The following HDLBP variants were observed in gnomAD, a reference collection of about 807,000 sequenced individuals.
The protein encoded by HDLBP is high density lipoprotein binding protein, also known as vigilin.
A neutral mutation model predicts 137.3 loss-of-function variants in HDLBP; 30 were observed. The ratio of observed to expected loss-of-function variants is 0.22; its 90% CI spans 0.16 to 0.30. The LOEUF (loss-of-function observed/expected upper bound fraction) is 0.30, where lower values mean the gene tolerates loss of function less well. Among genes scored for constraint, HDLBP ranks in the 10% least tolerant of loss-of-function variants. The pLI is 1.00. For missense variants in HDLBP, 1,119 were observed against 1,667.3 expected (o/e 0.67, Z 5.73); for synonymous variants, 606 against 596.0 (o/e 1.02, Z -0.24).
chr2:241,281,329 G>C lies in HDLBP; in HGVS notation c.-102-12788C>G, dbSNP rs554758898. ...AGATCGCGCCATTGCACTCCAGCCT[G>C]TGCAACAGGAGTGAAACTCCGTCTT... On this transcript the variant is annotated intron_variant, in intron 1 of 27. Transcript: ENST00000310931. 6.6e-5 allele frequency among the ~76,000 whole-genome samples: 10 copies of C among 151,972 alleles called. No individual in the cohort carries two copies. In the East Asian group the frequency reaches 1.9e-3, roughly 29 times the overall value.
chr2:241,255,132 G>T lies in HDLBP; in HGVS notation c.1107C>A (p.Val369=). 2 of 1,614,118 alleles carry T rather than the reference G, an allele frequency of 1.2e-6. No homozygotes were observed. Among genetic ancestry groups the T allele is most frequent in the South Asian group, 2.2e-5 (2 of 91,066 alleles). ...AACGGTGAAGCCAGGAAGGGGCGGC[G>T]ACAGAGGAGACGGTGAAGCTATTGG... ...AKANSFTVSS[V]AAPSWLHRFI... is the part of the protein sequence containing the mutation. The change falls in exon 9 of 28, where the codon GTC becomes GTA. Residue 369 remains valine (V), a synonymous_variant. Coordinates refer to ENST00000310931, the MANE Select transcript of HDLBP (RefSeq NM_005336.6).
chr2:241,278,381 G>A (rs1229057463), intron 1 of HDLBP, among the ~76,000 whole-genome samples: 10 of 152,106 alleles, frequency 6.6e-5, no homozygotes, highest in African/African-American at 2.2e-4. Context: ...TCAAGAGTTC[G>A]AGACCAGCCT....
intron 1 of HDLBP, among the ~76,000 whole-genome samples, chr2:241,299,924 A>G (rs1202372133): frequency 1.3e-5 from 2 of 151,870 alleles, no homozygotes; most frequent in Non-Finnish European, 2.9e-5. Flanking sequence ...CAAACAAACA[A>G]AAAACAAATT....
At position 241,237,286 on chromosome 2, in the gene HDLBP, T is replaced by A. The variant is rs370531789; in HGVS notation, c.2750-517A>T. On this transcript the variant is annotated intron_variant, in intron 20 of 27. Coordinates refer to ENST00000310931, the MANE Select transcript of HDLBP (RefSeq NM_005336.6). ...GCCAAGGTAAACCTGTGCCAGCTCC[T>A]TATGCCAGAAAGCGAGAGCCCCAGA... Among the ~76,000 whole-genome samples the A allele has an allele frequency of 1.0e-3, 155 of 152,246 alleles. 1 individual carries two copies. The South Asian group carries it at 0.029, about 29-fold the overall frequency.
At chr2:241,244,136 T>C (rs1271964083) in intron 16 of HDLBP, among the ~76,000 whole-genome samples, 1 of 152,094 alleles carries the variant, frequency 6.6e-6, no homozygotes, top group Non-Finnish European at 1.5e-5. Flanking sequence ...ATTAGAACAC[T>C]GCAAAGAATT....
In HDLBP at chr2:241,250,012, C is replaced by T. The variant is rs2072000516; in HGVS notation, c.1373-32G>A. On this transcript the variant is annotated intron_variant, in intron 11 of 27. Coordinates refer to ENST00000310931, the MANE Select transcript of HDLBP (RefSeq NM_005336.6). ...AACACAAAAGGAAACACATTTAGGA[C>T]ACAGACCAACAACATTCTGCCAATG... 7.0e-6 allele frequency: 11 copies of T among 1,573,702 alleles called. No individual in the cohort carries two copies. In the South Asian group the frequency reaches 1.1e-4, roughly 15 times the overall value.
intron 1 of HDLBP, among the ~76,000 whole-genome samples, chr2:241,284,685 T>G (rs892151061): frequency 6.6e-6 from 1 of 152,194 alleles, no homozygotes; most frequent in African/African-American, 2.4e-5. Flanking sequence ...AGAGAAATCT[T>G]TTGTGGAAGA....
At position 241,256,735 on chromosome 2, in the gene HDLBP, T is replaced by A; in HGVS notation, c.522A>T (p.Gln174His). ...TGGTTGCAGTTTTTAGCTCCAAGTC[T>A]TGCAGTTTCTCTCCATTTTTGCCAA... is the stretch of plus-strand genomic sequence containing the variant. The part of the protein sequence containing the change: ...FVIGKNGEKL[Q>H]DLELKTATKI... Residue 174 changes from glutamine (Q) to histidine (H), a missense_variant, in exon 6 of 28, where the codon CAA becomes CAT. Gln to His is a conservative substitution (Grantham distance 24). This residue lies in a region of HDLBP where 425 missense variants were observed against 693.9 expected (regional missense o/e 0.61). Coordinates refer to ENST00000310931, the MANE Select transcript of HDLBP (RefSeq NM_005336.6). 1 of 1,614,216 alleles carries A rather than the reference T, an allele frequency of 6.2e-7. No individual in the cohort carries two copies. The highest frequency in any genetic ancestry group is 8.5e-7 in the Non-Finnish European group (1 of 1,180,030).
At chr2:241,247,166 G>A (rs1449035375) in intron 14 of HDLBP, 24 bp from the exon 15 acceptor site, 3 of 1,439,620 alleles carry the variant, frequency 2.1e-6, no homozygotes, top group South Asian at 1.1e-5. Flanking sequence ...AACACAGCCC[G>A]ATTCACCACC....
In HDLBP at chr2:241,238,632, G is replaced by C; in HGVS notation, c.2749+17C>G. 6.5e-7 allele frequency: 1 copy of C among 1,542,756 alleles called. No individual in the cohort carries two copies. The highest frequency in any genetic ancestry group is 8.8e-7 in the Non-Finnish European group (1 of 1,135,008). ...CGCCACTATTAACAAGCAGAGCAGG[G>C]CTAATGGGGGACCCACCTGCGTTCT... On this transcript the variant is annotated intron_variant, in intron 20 of 27. Coordinates refer to ENST00000310931, the MANE Select transcript of HDLBP (RefSeq NM_005336.6). This position sits in a 1 kb window ranked among gnomAD's most constrained non-coding sequence, Gnocchi z 4.9.
At chr2:241,274,146 G>GGT (rs2074302416) in intron 1 of HDLBP, among the ~76,000 whole-genome samples, 1 of 152,168 alleles carries the variant, frequency 6.6e-6, no homozygotes. Flanking sequence ...TGGATAAGGG[G>GGT]GTGTGATGCC....
chr2:241,287,840 A>C (rs2074878682), intron 1 of HDLBP, among the ~76,000 whole-genome samples: 1 of 152,260 alleles, frequency 6.6e-6, no homozygotes, highest in South Asian at 2.1e-4. Flanking sequence ...AAGGACAGGA[A>C]GTCCAGAGCC....
chr2:241,263,990 C>A (rs2073422903), intron 4 of HDLBP, among the ~76,000 whole-genome samples: 1 of 151,896 alleles, frequency 6.6e-6, no homozygotes, highest in Non-Finnish European at 1.5e-5. Context: ...CATTCTCAAT[C>A]TTGCACATTC....
intron 1 of HDLBP, among the ~76,000 whole-genome samples, chr2:241,281,970 T>A (rs1416976124): frequency 6.6e-6 from 1 of 152,204 alleles, no homozygotes; most frequent in African/African-American, 2.4e-5. Flanking sequence ...TTAGTAAACT[T>A]TATATAACAA....
chr2:241,256,117 A>C (rs939927089), intron 7 of HDLBP, 67 bp downstream of exon 7: 3 of 1,361,658 alleles, frequency 2.2e-6, no homozygotes, highest in Non-Finnish European at 2.1e-6. Flanking sequence ...GCCTTAACTG[A>C]ATCTCCAGAC....
intron 1 of HDLBP, among the ~76,000 whole-genome samples, chr2:241,294,533 C>G (rs2075112559): frequency 6.6e-6 from 1 of 152,168 alleles, no homozygotes; most frequent in East Asian, 1.9e-4. Flanking sequence ...CAAGATAGCT[C>G]ACTGTAGCCT....
chr2:241,310,360 G>A (rs2075722329), intron 1 of HDLBP, among the ~76,000 whole-genome samples: 1 of 152,182 alleles, frequency 6.6e-6, no homozygotes, highest in Middle Eastern at 3.2e-3. Flanking sequence ...ATATTGTACA[G>A]CACGGTGAAT....
At chr2:241,273,747 G>A in intron 1 of HDLBP, 1 of 844,178 alleles carries the variant, frequency 1.2e-6, no homozygotes, top group Non-Finnish European at 1.4e-6. Context: ...GCCTTACCCA[G>A]GGAATGGGGT....
intron 1 of HDLBP, among the ~76,000 whole-genome samples, chr2:241,314,891 G>A (rs866827330): frequency 6.6e-6 from 1 of 152,168 alleles, no homozygotes; most frequent in Admixed American, 6.5e-5. Context: ...TGAACGAGGG[G>A]TATTTGCGCC....
Sources: gnomAD v4.1 joint callset for allele counts (sites outside exome capture counted in the v4.1 genomes callset) on GRCh38, gnomAD v4.1.1 for gene constraint, gnomAD v4.1.1 regional missense constraint, Gnocchi (gnomAD v3.1) non-coding constraint, MANE v1.5 for transcripts, NCBI Gene and HGNC (gene_info 2026-07-23, HGNC 2026-07-21) for gene names.